Variants in XRCC6 observed in about 807,000 individuals in gnomAD.
XRCC6 encodes the protein DNA repair protein Ku70.
In XRCC6, 5 loss-of-function variants were observed where a neutral mutation model predicts 65.7. That is an observed-to-expected ratio of 0.08 (90% confidence interval 0.04 to 0.16). XRCC6 has a LOEUF of 0.16. Among genes scored for constraint, XRCC6 ranks in the 10% least tolerant of loss-of-function variants. The probability of loss-of-function intolerance (pLI) is 1.00; values close to 1 mark genes in which losing one functional copy is unlikely to be tolerated. For synonymous variants in XRCC6, 270 were observed against 270.6 expected, an observed-to-expected ratio of 1.00 and a Z score of 0.02; for missense variants, 447 against 738.1, an observed-to-expected ratio of 0.61 and a Z score of 4.57.
intron 2 of XRCC6, among the ~76,000 whole-genome samples, chr22:41,625,380 CT>C (rs942323982): frequency 6.6e-6 from 1 of 152,130 alleles, no homozygotes; most frequent in African/African-American, 2.4e-5. Flanking sequence ...AATCTCAGCA[CT>C]TTGGGAGTAG....
chr22:41,631,123 G>A lies in XRCC6; in HGVS notation c.195+2893G>A, dbSNP rs542271650. ...CCCCCACCTCCCTCCTGGACGGGGC[G>A]GCTGGCAGGGCGGGGGGCTGACCCC... is the stretch of plus-strand genomic sequence containing the variant. On this transcript the variant is annotated intron_variant, in intron 3 of 12. Transcript: ENST00000360079. 2.7e-4 allele frequency among the ~76,000 whole-genome samples: 40 copies of A among 150,278 alleles called. No homozygotes were observed. The South Asian group carries it at 6.9e-3, about 26-fold the overall frequency.
intron 1 of XRCC6, chr22:41,621,742 G>C (rs1274480848): frequency 2.1e-6 from 1 of 487,232 alleles, no homozygotes; most frequent in African/African-American, 2.0e-5. Context: ...CGGGACCTCC[G>C]GGATCTGGCT....
intron 12 of XRCC6, among the ~76,000 whole-genome samples, chr22:41,662,692 T>C (rs1440935818): frequency 1.3e-5 from 2 of 152,168 alleles, no homozygotes; most frequent in Non-Finnish European, 2.9e-5. Flanking sequence ...GTGAATTGCT[T>C]CCAAAACAGT....
At chr22:41,650,642 C>T in intron 7 of XRCC6, 81 bp from the exon 8 acceptor site, 1 of 1,463,696 alleles carries the variant, frequency 6.8e-7, no homozygotes, top group African/African-American at 1.4e-5. Flanking sequence ...CTGATTTTAA[C>T]TTGCTAGTGT....
chr22:41,650,924 AAC>A (rs1188229615), intron 8 of XRCC6, 33 bp downstream of exon 8: 14 of 1,612,186 alleles, frequency 8.7e-6, no homozygotes, highest in Non-Finnish European at 1.2e-5. Flanking sequence ...GAGTGACTCT[AAC>A]ACACAGTGCA....
chr22:41,645,075 C>T (rs1221788992), intron 6 of XRCC6, among the ~76,000 whole-genome samples: 6 of 151,342 alleles, frequency 4.0e-5, no homozygotes, highest in Non-Finnish European at 8.8e-5. Flanking sequence ...CCGAGGCGGG[C>T]GGATCACCTG....
chr22:41,639,396 TGATC>T (rs2067849883), intron 6 of XRCC6, among the ~76,000 whole-genome samples: 1 of 135,876 alleles, frequency 7.4e-6, no homozygotes. Context: ...GAGTGCAGTA[TGATC>T]ACAGCTCACC....
intron 4 of XRCC6, 85 bp from the exon 5 acceptor site, chr22:41,636,431 G>C: frequency 6.5e-7 from 1 of 1,549,928 alleles, no homozygotes; most frequent in African/African-American, 1.4e-5. Flanking sequence ...GGGTGAAAAA[G>C]GGTCCTTCTG....
intron 6 of XRCC6, among the ~76,000 whole-genome samples, chr22:41,642,179 A>G (rs1375598695): frequency 6.6e-6 from 1 of 152,214 alleles, no homozygotes; most frequent in Non-Finnish European, 1.5e-5. Context: ...GAGTGCAGAT[A>G]TCTCTGATAT....
intron 3 of XRCC6, among the ~76,000 whole-genome samples, chr22:41,632,986 G>A (rs1233713360): frequency 6.6e-6 from 1 of 152,058 alleles, no homozygotes; most frequent in Non-Finnish European, 1.5e-5. Flanking sequence ...AATTAGCTGG[G>A]TGTGGTGGCG....
intron 3 of XRCC6, 101 bp from the exon 4 acceptor site, chr22:41,636,012 T>C: frequency 1.8e-6 from 2 of 1,083,990 alleles, no homozygotes; most frequent in East Asian, 5.2e-5. Flanking sequence ...TAGTGCCATA[T>C]ACAAATTCAG....
At chr22:41,626,726 CT>C (rs2067679526) in intron 2 of XRCC6, among the ~76,000 whole-genome samples, 1 of 151,922 alleles carries the variant, frequency 6.6e-6, no homozygotes, top group Non-Finnish European at 1.5e-5. Context: ...GAAGCTCCCC[CT>C]CCCGGGTTCA....
chr22:41,631,287 C>T (rs1366908462), intron 3 of XRCC6, among the ~76,000 whole-genome samples: 7 of 150,940 alleles, frequency 4.6e-5, no homozygotes, highest in East Asian at 2.0e-4. Context: ...ACCTCCCTCC[C>T]GGACGGGTCG....
At chr22:41,650,970 C>T (rs2067989050) in intron 8 of XRCC6, 79 bp downstream of exon 8, 2 of 1,536,768 alleles carry the variant, frequency 1.3e-6, no homozygotes, top group Non-Finnish European at 1.8e-6. Context: ...ATGGGCACTG[C>T]TTGGACACTG....
chr22:41,637,681 C>T lies in XRCC6; in HGVS notation c.663C>T (p.Ile221=), dbSNP rs142272427. Residue 221 remains isoleucine, a synonymous_variant, in exon 6 of 13, where the codon ATC becomes ATT. Coordinates refer to ENST00000360079, the MANE Select transcript of XRCC6 (RefSeq NM_001469.5). ...FDISLFYRDI[I]SIAEDEDLRV... The stretch of plus-strand genomic sequence containing the variant: ...TATCCTTGTTCTACAGAGATATCAT[C>T]AGCATAGCAGAGGATGAGGACCTCA... 5.6e-6 allele frequency: 9 copies of T among 1,612,928 alleles called. No individual in the cohort carries two copies. The African/African-American group carries it at 1.1e-4, about 19-fold the overall frequency.
rs770718900 is a variant in XRCC6 at position 41,638,875 on chromosome 22, C to G, written c.773+1084C>G. Reference sequence around the variant, plus strand: ...ATGGAACTTACAAGACTAGAAGTGGCTCTGAGTGAGTAGTGAGTGAAAGTG... The same window carrying G: ...ATGGAACTTACAAGACTAGAAGTGGGTCTGAGTGAGTAGTGAGTGAAAGTG... On this transcript the variant is annotated intron_variant, in intron 6 of 12. Transcript: ENST00000360079. Among the ~76,000 whole-genome samples the G allele has an allele frequency of 2.6e-5, 4 of 151,592 alleles. No individual in the cohort carries two copies. In the South Asian group the frequency reaches 6.2e-4, roughly 24 times the overall value.
Position 41,646,975 on chromosome 22 carries a change from C to G in XRCC6, c.853C>G (p.Pro285Ala), listed in dbSNP as rs1488422006. ...GGTCCAGAAGGCTCTCAAGCCTCCT[C>G]CAATAAAGCTCTATCGGGAAACAAA... ...NLVQKALKPP[P>A]IKLYRETNEP... is the part of the protein sequence containing the mutation. Residue 285 changes from proline to alanine, a missense_variant, in exon 7 of 13, where the codon CCA (proline) becomes GCA (alanine). Around this residue, in one of 4 missense-constraint regions of XRCC6, gnomAD observed 4 missense variants for 32.9 expected, o/e 0.12. Coordinates refer to ENST00000360079, the MANE Select transcript of XRCC6 (RefSeq NM_001469.5). 6.2e-7 allele frequency: 1 copy of G among 1,614,044 alleles called. No individual in the cohort carries two copies. Among genetic ancestry groups the G allele is most frequent in the Non-Finnish European group, 8.5e-7 (1 of 1,180,042 alleles).
intron 6 of XRCC6, among the ~76,000 whole-genome samples, chr22:41,642,734 AAT>A (rs2147093936): frequency 2.0e-5 from 3 of 152,352 alleles, no homozygotes; most frequent in East Asian, 3.9e-4. Context: ...TACAAAAAAA[AAT>A]AGTTACTTTT....
intron 8 of XRCC6, among the ~76,000 whole-genome samples, chr22:41,651,862 C>A (rs1285289847): frequency 6.6e-6 from 1 of 152,052 alleles, no homozygotes; most frequent in Non-Finnish European, 1.5e-5. Context: ...CGGCTCACTG[C>A]AATCTCCGTC....
Sources: allele counts gnomAD v4.1 joint callset (sites outside exome capture counted in the v4.1 genomes callset), GRCh38; gene constraint gnomAD v4.1.1; regional missense constraint gnomAD v4.1.1; transcripts MANE v1.5; gene names NCBI Gene and HGNC (gene_info 2026-07-23, HGNC 2026-07-21).